The following ANKHD1 variants were observed in gnomAD, a reference collection of about 807,000 sequenced individuals.
ANKHD1 encodes ankyrin repeat and KH domain-containing protein 1.
In ANKHD1, 31 loss-of-function variants were observed where a neutral mutation model predicts 230.5. That is an observed-to-expected ratio of 0.13 (90% CI 0.10 to 0.18). ANKHD1 has a LOEUF of 0.18. Among genes scored for constraint, ANKHD1 ranks in the 10% least tolerant of loss-of-function variants. ANKHD1 has a pLI of 1.00. For missense variants in ANKHD1, 2,256 were observed against 3,071.3 expected (o/e 0.73, Z 6.27); for synonymous variants, 1,074 against 1,117.6 (o/e 0.96, Z 0.78).
intron 5 of ANKHD1, among the ~76,000 whole-genome samples, chr5:140,441,723 GTATTA>G (rs1352655337): frequency 6.6e-6 from 1 of 152,098 alleles, no homozygotes; most frequent in Non-Finnish European, 1.5e-5. Context: ...TAATAATAGT[GTATTA>G]TATTCAGGAT....
intron 29 of ANKHD1, 126 bp downstream of exon 29, chr5:140,529,922 A>C (rs188347815): frequency 1.3e-5 from 18 of 1,388,290 alleles, no homozygotes; most frequent in Middle Eastern, 1.9e-4. Flanking sequence ...GATTCTCTCT[A>C]TGATTTTTCT....
chr5:140,484,925 T>C (rs1751437088), intron 11 of ANKHD1, 196 bp from the exon 12 acceptor site: 10 of 834,498 alleles, frequency 1.2e-5, no homozygotes, highest in Non-Finnish European at 1.6e-5. Context: ...ATGTGGATAA[T>C]GTTCTGTTTC....
At chr5:140,508,566 C>T (rs924294914) in intron 20 of ANKHD1, among the ~76,000 whole-genome samples, 2 of 151,978 alleles carry the variant, frequency 1.3e-5, no homozygotes, top group Non-Finnish European at 2.9e-5. Flanking sequence ...CCAGCCTGAC[C>T]AATATGGTGA....
In ANKHD1 at chr5:140,496,954, T is replaced by G. The variant is rs140294537; in HGVS notation, c.2680T>G (p.Ser894Ala). Residue 894 changes from serine (S) to alanine (A), a missense_variant, in exon 15 of 34, where the codon TCA (serine) becomes GCA (alanine). Physicochemically the swap from Ser to Ala is moderately conservative, Grantham distance 99. This residue lies in a region of ANKHD1 where 358 missense variants were observed against 397.7 expected (regional missense o/e 0.90). Transcript: ENST00000360839. ...GDGSLPEDHF[S>A]ELPQVDTILF... is the part of the protein sequence containing the mutation. ...TGGTAGTCTCCCAGAGGATCACTTT[T>G]CAGAGTTACCTCAGGTTGACACAAT... is the stretch of plus-strand genomic sequence containing the variant. 99 of 1,614,006 alleles carry G rather than the reference T, an allele frequency of 6.1e-5. No individual in the cohort carries two copies. The highest frequency in any genetic ancestry group is 8.3e-5 in the Non-Finnish European group (98 of 1,180,016).
chr5:140,491,090 G>GTATATATATATA (rs1482029581), intron 14 of ANKHD1, among the ~76,000 whole-genome samples: 1 of 96,584 alleles, frequency 1.0e-5, no homozygotes, highest in Non-Finnish European at 2.1e-5. Flanking sequence ...ATGTGTGTGT[G>GTATATATATATA]TGTATATATA....
chr5:140,532,800 C>G (rs910716881), intron 29 of ANKHD1: 1 of 433,954 alleles, frequency 2.3e-6, no homozygotes, highest in Non-Finnish European at 4.6e-6. Context: ...AAATGCACAT[C>G]ATGATCTTTA....
intron 24 of ANKHD1, among the ~76,000 whole-genome samples, chr5:140,521,973 T>C (rs1485910654): frequency 6.6e-6 from 1 of 152,238 alleles, no homozygotes; most frequent in African/African-American, 2.4e-5. Flanking sequence ...AGCAAGACTC[T>C]GTCTCAAAAT....
intron 26 of ANKHD1, 69 bp downstream of exon 26, chr5:140,526,512 GT>G: frequency 6.6e-7 from 1 of 1,517,092 alleles, no homozygotes; most frequent in Non-Finnish European, 8.8e-7. Context: ...AGAATTTGAA[GT>G]ATATTAATCC....
At chr5:140,500,618 A>G (rs1752246852) in intron 15 of ANKHD1, among the ~76,000 whole-genome samples, 3 of 134,224 alleles carry the variant, frequency 2.2e-5, no homozygotes, top group African/African-American at 8.3e-5. Flanking sequence ...ACTGCACTCC[A>G]GCATGGGGCA....
intron 9 of ANKHD1, among the ~76,000 whole-genome samples, chr5:140,461,807 A>G (rs1012044722): frequency 6.6e-6 from 1 of 152,160 alleles, no homozygotes; most frequent in African/African-American, 2.4e-5. Context: ...TTCCTACCTA[A>G]AAAATTTTAA....
chr5:140,453,975 C>T lies in ANKHD1; in HGVS notation c.1243-4650C>T, dbSNP rs369799817. 7.2e-5 allele frequency among the ~76,000 whole-genome samples: 11 copies of T among 152,218 alleles called. No homozygotes were observed. In the East Asian group the frequency reaches 1.3e-3, roughly 19 times the overall value. On this transcript the variant is annotated intron_variant, in intron 7 of 33. Coordinates refer to ENST00000360839, the MANE Select transcript of ANKHD1 (RefSeq NM_017747.3). ...TGCTGTATTCAGGAGACACATCTCA[C>T]GTGCAGAGACACACATAGGTTCAAA...
rs1752543621 is a variant in ANKHD1 at position 140,506,550 on chromosome 5, A to G, written c.3409-285A>G. The stretch of plus-strand genomic sequence containing the variant: ...TACATTTATTCGGATTGAATGAATC[A>G]CAATTCTAACACATATGAAGTGCAA... On this transcript the variant is annotated intron_variant, in intron 18 of 33. Coordinates refer to ENST00000360839, the MANE Select transcript of ANKHD1 (RefSeq NM_017747.3). The surrounding 1 kb of genome is among the most constrained non-coding windows in gnomAD (Gnocchi z 4.7). Among the ~76,000 whole-genome samples, 1 of 152,238 alleles carries G rather than the reference A, an allele frequency of 6.6e-6. No homozygotes were observed. Among genetic ancestry groups the G allele is most frequent in the Admixed American group, 6.5e-5 (1 of 15,288 alleles).
At chr5:140,499,475 T>G (rs1296405692) in intron 15 of ANKHD1, among the ~76,000 whole-genome samples, 1 of 152,162 alleles carries the variant, frequency 6.6e-6, no homozygotes, top group Non-Finnish European at 1.5e-5. Context: ...AAATTTTACT[T>G]TAGAAGAATT....
rs371084841 is a variant in ANKHD1, at chr5:140,472,596, C to T, written c.1782+7820C>T. 183 of 416,690 alleles carry T rather than the reference C, an allele frequency of 4.4e-4. 2 individuals are homozygous for T. Among genetic ancestry groups the T allele is most frequent in the African/African-American group, 3.0e-3 (141 of 47,574 alleles). The allele number at this position is 416,690 out of a possible 1,614,324, so 25.8% of individuals were successfully genotyped here. ...TCCTTTATTGGGAGAGTTAGTATACCGCAGAGAGAAAGTCTCAGTAATAAA... is the reference window on the plus strand; with the variant it reads ...TCCTTTATTGGGAGAGTTAGTATACTGCAGAGAGAAAGTCTCAGTAATAAA... On this transcript the variant is annotated intron_variant, in intron 10 of 33. Transcript: ENST00000360839.
chr5:140,513,050 T>A (rs558095524), intron 23 of ANKHD1, 127 bp downstream of exon 23: 1 of 933,560 alleles, frequency 1.1e-6, no homozygotes, highest in East Asian at 2.7e-5. Context: ...ATGCGTTTGT[T>A]TCTCCATTTG....
chr5:140,526,004 G>A lies in ANKHD1; in HGVS notation c.4501G>A (p.Glu1501Lys), dbSNP rs1212745822. 1 of 1,570,800 alleles carries A rather than the reference G, an allele frequency of 6.4e-7. No homozygotes were observed. The change falls in exon 26 of 34, where the codon GAA (glutamate) becomes AAA (lysine). Residue 1501 changes from glutamate to lysine, a missense_variant. Glu to Lys is a moderately conservative substitution (Grantham distance 56). This residue lies in a region of ANKHD1 where 212 missense variants were observed against 257.3 expected (regional missense o/e 0.82). Transcript: ENST00000360839. ...CTTTTTAACAATTTCAGTGGAGCAA[G>A]AAGTTCCCATAGAACCTCCTAGTGC... ...EEENDEDVEQ[E>K]VPIEPPSATT...
intron 1 of ANKHD1, among the ~76,000 whole-genome samples, chr5:140,435,128 A>G (rs1773338068): frequency 6.6e-6 from 1 of 152,314 alleles, no homozygotes; most frequent in African/African-American, 2.4e-5. Flanking sequence ...AACAAAGTAC[A>G]GTTTTTAACC....
At chr5:140,449,436 G>A (rs1431052682) in intron 7 of ANKHD1, 131 bp downstream of exon 7, 20 of 1,012,438 alleles carry the variant, frequency 2.0e-5, no homozygotes, top group African/African-American at 9.7e-5. Flanking sequence ...AGGCCAAGTC[G>A]GGCGGATCAC....
At position 140,425,711 on chromosome 5, in the gene ANKHD1, C is replaced by T. The variant is rs563716434; in HGVS notation, c.307-10393C>T. ...AGATGTTTTTGCTGAGTATATTAGG[C>T]CTTTTTGTAACAACAAAACTCACCC... On this transcript the variant is annotated intron_variant, in intron 1 of 33. Transcript: ENST00000360839. 1.1e-4 allele frequency among the ~76,000 whole-genome samples: 17 copies of T among 152,170 alleles called. No homozygotes were observed. The East Asian group carries it at 3.3e-3, about 29-fold the overall frequency.
Sources: gnomAD v4.1 joint callset for allele counts (sites outside exome capture counted in the v4.1 genomes callset) on GRCh38, gnomAD v4.1.1 for gene constraint, gnomAD v4.1.1 regional missense constraint, Gnocchi (gnomAD v3.1) non-coding constraint, MANE v1.5 for transcripts, NCBI Gene and HGNC (gene_info 2026-07-23, HGNC 2026-07-21) for gene names.